Variants in TENM1 observed in about 807,000 individuals in gnomAD.
TENM1 encodes teneurin transmembrane protein 1.
A neutral mutation model predicts 174.8 loss-of-function variants in TENM1; 35 were observed. That is an observed-to-expected ratio of 0.20 (90% CI 0.15 to 0.27). TENM1 has a LOEUF of 0.27. Among genes scored for constraint, TENM1 ranks in the 10% least tolerant of loss-of-function variants. The pLI is 1.00. For synonymous variants in TENM1, 781 were observed against 798.7 expected (o/e 0.98, Z 0.37); for missense variants, 1,633 against 2,130.1 (o/e 0.77, Z 4.59).
chrX:125,067,791 T>A, the TENM1 span, among the ~76,000 whole-genome samples: 13 of 112,389 alleles, frequency 1.2e-4, no homozygotes, highest in African/African-American at 3.5e-4. Context: ...ATAAAGAAAC[T>A]GACTTCAGGC....
At chrX:124,422,880 G>A (rs1157432271) in intron 23 of TENM1, among the ~76,000 whole-genome samples, 2 of 111,566 alleles carry the variant, frequency 1.8e-5, no homozygotes, top group Non-Finnish European at 3.8e-5. Flanking sequence ...ATTTCAGAAG[G>A]ATCATTTAGA....
At chrX:124,888,687 T>C (rs1226915228) in intron 3 of TENM1, among the ~76,000 whole-genome samples, 2 of 112,130 alleles carry the variant, frequency 1.8e-5, no homozygotes, top group South Asian at 7.4e-4. Flanking sequence ...AACAGGTACC[T>C]TACCTGATAG....
chrX:124,799,664 C>T (rs1403939317), intron 3 of TENM1, among the ~76,000 whole-genome samples: 1 of 111,656 alleles, frequency 9.0e-6, no homozygotes, highest in Non-Finnish European at 1.9e-5. Flanking sequence ...TGAGAGAGGG[C>T]ATTCTTGTCT....
chrX:124,951,673 T>TATATATATATATATA (rs767583231), intron 1 of TENM1, among the ~76,000 whole-genome samples: 10 of 66,074 alleles, frequency 1.5e-4, no homozygotes, highest in Non-Finnish European at 2.0e-4. Context: ...TATATATATA[T>TATATATATATATATA]AACAATCAAT....
chrX:124,836,505 C>T (rs751548092), intron 3 of TENM1, among the ~76,000 whole-genome samples: 1 of 112,202 alleles, frequency 8.9e-6, no homozygotes, highest in African/African-American at 3.2e-5. Flanking sequence ...TTTTCTACCT[C>T]TTGTATGTCC....
At chrX:124,873,949 T>C (rs2057153723) in intron 3 of TENM1, among the ~76,000 whole-genome samples, 1 of 111,784 alleles carries the variant, frequency 8.9e-6, no homozygotes, top group African/African-American at 3.2e-5. Flanking sequence ...ATATGTCTTA[T>C]TCTCTTTAAG....
At chrX:125,033,690 G>C in the TENM1 span, among the ~76,000 whole-genome samples, 23 of 110,222 alleles carry the variant, frequency 2.1e-4, no homozygotes, top group South Asian at 4.6e-3. Context: ...ACCGTATACA[G>C]ATGGGAGCTG....
At chrX:124,595,231 G>C (rs992033684) in intron 11 of TENM1, among the ~76,000 whole-genome samples, 7 of 111,842 alleles carry the variant, frequency 6.3e-5, no homozygotes, top group Non-Finnish European at 1.3e-4. Context: ...AGTGAGAATA[G>C]ATCTTAAGTG....
chrX:125,049,007 C>T, the TENM1 span, among the ~76,000 whole-genome samples: 3 of 111,815 alleles, frequency 2.7e-5, no homozygotes, highest in East Asian at 8.4e-4. Flanking sequence ...TATGATCATG[C>T]ATACAAAGCT....
intron 3 of TENM1, among the ~76,000 whole-genome samples, chrX:124,817,416 C>T (rs777021866): frequency 3.6e-5 from 4 of 111,833 alleles, no homozygotes; most frequent in African/African-American, 1.3e-4. Flanking sequence ...TTTACTTGTG[C>T]ATCATATTTC....
intron 3 of TENM1, among the ~76,000 whole-genome samples, chrX:124,827,139 C>CT (rs2056182123): frequency 1.8e-5 from 2 of 111,575 alleles, no homozygotes; most frequent in Non-Finnish European, 3.8e-5. Flanking sequence ...CAGCCTCCGC[C>CT]TCCCTGGTTC....
chrX:124,714,147 T>C (rs1248400046), intron 4 of TENM1, among the ~76,000 whole-genome samples: 1 of 111,787 alleles, frequency 8.9e-6, no homozygotes, highest in Non-Finnish European at 1.9e-5. Context: ...AGGTAGATGA[T>C]ATTATCTGCA....
intron 14 of TENM1, among the ~76,000 whole-genome samples, chrX:124,554,001 T>C (rs1398632853): frequency 9.0e-6 from 1 of 110,890 alleles, no homozygotes; most frequent in Non-Finnish European, 1.9e-5. Flanking sequence ...TACAGCTACT[T>C]GGGAGGCTCA....
the TENM1 span, among the ~76,000 whole-genome samples, chrX:125,148,788 A>C: frequency 1.8e-5 from 2 of 111,900 alleles, no homozygotes; most frequent in Non-Finnish European, 3.8e-5. Context: ...AGTGGTTACT[A>C]AAGTTCTGTC....
chrX:125,131,782 GACATGTTAC>G, the TENM1 span, among the ~76,000 whole-genome samples: 2 of 111,990 alleles, frequency 1.8e-5, no homozygotes, highest in African/African-American at 6.5e-5. Flanking sequence ...TGTACATCTA[GACATGTTAC>G]AGTCATTACT....
the TENM1 span, among the ~76,000 whole-genome samples, chrX:125,102,635 G>A: frequency 8.9e-6 from 1 of 112,060 alleles, no homozygotes; most frequent in South Asian, 3.7e-4. Flanking sequence ...AAAGCCAATT[G>A]TCTTCATTGG....
chrX:125,078,753 C>T, the TENM1 span, among the ~76,000 whole-genome samples: 8 of 111,472 alleles, frequency 7.2e-5, no homozygotes, highest in African/African-American at 2.6e-4. Context: ...TGCTCGCATA[C>T]CTAAAATGTG....
At chrX:125,005,332 G>C in the TENM1 span, among the ~76,000 whole-genome samples, 1 of 105,913 alleles carries the variant, frequency 9.4e-6, no homozygotes, top group African/African-American at 3.4e-5. Flanking sequence ...TTATGCATTG[G>C]AATTCTGCAA....
chrX:124,866,797 A>C (rs1447519483), intron 3 of TENM1, among the ~76,000 whole-genome samples: 2 of 111,868 alleles, frequency 1.8e-5, no homozygotes, highest in Non-Finnish European at 3.8e-5. Context: ...AAATAAAATC[A>C]GAAATGAAAA....
Sources: allele counts gnomAD v4.1 joint callset (sites outside exome capture counted in the v4.1 genomes callset), GRCh38; gene constraint gnomAD v4.1.1; transcripts MANE v1.5; gene names NCBI Gene and HGNC (gene_info 2026-07-23, HGNC 2026-07-21).